The following CFAP418 variants were observed in gnomAD, a reference collection of about 807,000 sequenced individuals.
The protein encoded by CFAP418 is cilia- and flagella-associated protein 418.
In CFAP418, 27 loss-of-function variants were observed where a neutral mutation model predicts 24.7. The observed-to-expected ratio is 1.09, with a 90% CI of 0.81 to 1.51. CFAP418 has a LOEUF of 1.51. Ranked by LOEUF, CFAP418 falls within the 40% of genes most tolerant of loss-of-function variation. The pLI, the probability that CFAP418 is intolerant of heterozygous loss-of-function variation, is 0.00. For synonymous variants in CFAP418, 74 were observed against 87.3 expected (o/e 0.85, Z 0.85); for missense variants, 257 against 255.2 (o/e 1.01, Z -0.05).
intron 4 of CFAP418, among the ~76,000 whole-genome samples, chr8:95,253,144 C>T (rs1282738614): frequency 2.2e-4 from 33 of 152,072 alleles, no homozygotes; most frequent in Admixed American, 2.2e-3. Context: ...CCCATCTCTA[C>T]TAAAAATACA....
intron 5 of CFAP418, among the ~76,000 whole-genome samples, chr8:95,249,628 G>A (rs1178559286): frequency 6.6e-6 from 1 of 152,068 alleles, no homozygotes; most frequent in Non-Finnish European, 1.5e-5. Context: ...ACTCTAGCCT[G>A]GGTAACAGGG....
At chr8:95,258,717 G>A (rs1277356406) in intron 4 of CFAP418, among the ~76,000 whole-genome samples, 1 of 152,156 alleles carries the variant, frequency 6.6e-6, no homozygotes, top group Non-Finnish European at 1.5e-5. Context: ...CTCTGTCCAT[G>A]CTAAGTGCCC....
intron 2 of CFAP418, among the ~76,000 whole-genome samples, chr8:95,263,450 T>C (rs1369483025): frequency 4.6e-5 from 7 of 152,172 alleles, no homozygotes; most frequent in Non-Finnish European, 8.8e-5. Context: ...TTGACTTCTA[T>C]GCTAACAGCT....
chr8:95,258,841 C>T (rs754618061), intron 4 of CFAP418, among the ~76,000 whole-genome samples: 4 of 152,166 alleles, frequency 2.6e-5, no homozygotes, highest in African/African-American at 7.2e-5. Context: ...GTATTCAGTG[C>T]GGTTACATGC....
At chr8:95,267,022 C>T (rs1586038476) in intron 1 of CFAP418, among the ~76,000 whole-genome samples, 1 of 152,162 alleles carries the variant, frequency 6.6e-6, no homozygotes, top group Non-Finnish European at 1.5e-5. Flanking sequence ...GAAGGACAAA[C>T]GAAAAGTACT....
At chr8:95,262,896 C>T (rs190551250) in intron 2 of CFAP418, among the ~76,000 whole-genome samples, 1 of 152,220 alleles carries the variant, frequency 6.6e-6, no homozygotes, top group East Asian at 1.9e-4. Context: ...TTTGTAATAG[C>T]AAACAACTGA....
chr8:95,253,742 C>T (rs1811744509), intron 4 of CFAP418, among the ~76,000 whole-genome samples: 1 of 135,602 alleles, frequency 7.4e-6, no homozygotes, highest in African/African-American at 2.8e-5. Flanking sequence ...CATTTGTACA[C>T]ATTTGAACTC....
At chr8:95,249,867 C>T (rs1350082424) in intron 5 of CFAP418, among the ~76,000 whole-genome samples, 1 of 152,164 alleles carries the variant, frequency 6.6e-6, no homozygotes, top group Non-Finnish European at 1.5e-5. Flanking sequence ...TTCTCAAAAC[C>T]AGGTCGCCAG....
intron 5 of CFAP418, 46 bp from the exon 6 acceptor site, chr8:95,247,816 GC>G (rs1554557035): frequency 7.1e-7 from 1 of 1,403,522 alleles, no homozygotes; most frequent in Non-Finnish European, 9.5e-7. Flanking sequence ...TTTGTTCAGT[GC>G]TTAATGATTA....
chr8:95,255,700 T>C (rs953113452), intron 4 of CFAP418, among the ~76,000 whole-genome samples: 1 of 152,238 alleles, frequency 6.6e-6, no homozygotes, highest in Non-Finnish European at 1.5e-5. Flanking sequence ...TTAATATGTG[T>C]TTGATGAATT....
At position 95,269,065 on chromosome 8, in the gene CFAP418, C is replaced by T. The variant is rs777846528; in HGVS notation, c.125G>A (p.Arg42Gln). The T allele has an allele frequency of 1.9e-6, 3 of 1,614,180 alleles. No homozygotes were observed. Among genetic ancestry groups the T allele is most frequent in the Non-Finnish European group, 2.5e-6 (3 of 1,180,012 alleles). The change falls in exon 1 of 6, where the codon CGG becomes CAG. Residue 42 changes from arginine (R) to glutamine (Q), a missense_variant. Arg to Gln is a conservative substitution (Grantham distance 43, BLOSUM62 1). Coordinates refer to ENST00000286688, the MANE Select transcript of CFAP418 (RefSeq NM_177965.4). ...GCGGGTHSSD[R>Q]NQAKAKETLR... ...CGTCTCTTTCGCCTTGGCTTGGTTC[C>T]GGTCGCTACTGTGGGTGCCGCCGCC...
At chr8:95,251,419 A>G (rs1811706163) in intron 5 of CFAP418, among the ~76,000 whole-genome samples, 2 of 152,360 alleles carry the variant, frequency 1.3e-5, no homozygotes, top group Admixed American at 6.5e-5. Context: ...TGATGTAGCT[A>G]AAATCTTGCA....
intron 4 of CFAP418, among the ~76,000 whole-genome samples, chr8:95,253,309 C>CA (rs35013936): frequency 0.05 from 7,194 of 142,486 alleles, 245 homozygotes; most frequent in East Asian, 0.14. Flanking sequence ...GACTCTGTCT[C>CA]AAAAAAAAAA....
At chr8:95,267,176 T>C (rs748040131) in intron 1 of CFAP418, among the ~76,000 whole-genome samples, 15 of 152,254 alleles carry the variant, frequency 9.9e-5, no homozygotes, top group Non-Finnish European at 1.8e-4. Context: ...AGCCCATTCA[T>C]AGTAATTATA....
intron 1 of CFAP418, among the ~76,000 whole-genome samples, chr8:95,265,552 CT>C (rs1386289658): frequency 2.0e-5 from 3 of 152,118 alleles, no homozygotes; most frequent in African/African-American, 7.2e-5. Context: ...CCTTATATTT[CT>C]TTTTCGATAA....
intron 1 of CFAP418, 199 bp downstream of exon 1, chr8:95,268,836 A>AGTGAAGAGGTGCCAGAATCC (rs1812074123): frequency 1.8e-6 from 1 of 545,102 alleles, no homozygotes; most frequent in Non-Finnish European, 3.2e-6. Context: ...GTCTGCGCTG[A>AGTGAAGAGGTGCCAGAATCC]GTGAAGAGGT....
intron 1 of CFAP418, among the ~76,000 whole-genome samples, chr8:95,264,473 G>T (rs571547039): frequency 6.6e-6 from 1 of 152,202 alleles, no homozygotes; most frequent in East Asian, 1.9e-4. Flanking sequence ...TTTAACCCCA[G>T]TTTTATAGAT....
intron 5 of CFAP418, among the ~76,000 whole-genome samples, chr8:95,251,546 G>T (rs1811708777): frequency 6.6e-6 from 1 of 152,144 alleles, no homozygotes; most frequent in South Asian, 2.1e-4. Flanking sequence ...TAAGTGGAAG[G>T]GTGTTGAGCA....
rs952321050 is a variant in CFAP418, at chr8:95,245,139, G to C, written c.*2478C>G. On this transcript the variant is annotated 3_prime_UTR_variant, in exon 6 of 6. Transcript: ENST00000286688. The stretch of plus-strand genomic sequence containing the variant: ...ACATCTTGAAAGTTTTATAGGCTTT[G>C]CATTTTAAAATTATAGATGATTAGA... 7.2e-5 allele frequency: 11 copies of C among 152,046 alleles called. No individual in the cohort carries two copies. In the East Asian group the frequency reaches 1.4e-3, roughly 19 times the overall value. 9.4% of individuals were successfully genotyped at this position (152,046 alleles called of 1,614,324 possible). A position where few individuals can be genotyped will look rare whatever the true frequency, so the allele number is the denominator to read the frequency against.
Sources: allele counts gnomAD v4.1 joint callset (sites outside exome capture counted in the v4.1 genomes callset), GRCh38; gene constraint gnomAD v4.1.1; transcripts MANE v1.5; gene names NCBI Gene and HGNC (gene_info 2026-07-23, HGNC 2026-07-21).